The following CNIH3 variants were observed in gnomAD, a reference collection of about 807,000 sequenced individuals.
CNIH3 encodes protein cornichon homolog 3.
CNIH3 carries 14 observed loss-of-function variants against 24.1 expected under a neutral mutation model. The observed-to-expected ratio is 0.58, with a 90% CI of 0.38 to 0.91. CNIH3 has a LOEUF of 0.91. CNIH3 is among the 40% of genes least tolerant of loss of function. The pLI, the probability that CNIH3 is intolerant of heterozygous loss-of-function variation, is 0.00. For missense variants in CNIH3, 178 were observed against 196.8 expected (o/e 0.90, Z 0.57); for synonymous variants, 68 against 73.8 (o/e 0.92, Z 0.40).
At chr1:224,517,843 T>C (rs569678342) in intron 1 of CNIH3, among the ~76,000 whole-genome samples, 2 of 152,286 alleles carry the variant, frequency 1.3e-5, no homozygotes, top group African/African-American at 4.8e-5. Flanking sequence ...AAATCTTTGC[T>C]GAGGAGAAAC....
In CNIH3 at chr1:224,585,988, C is replaced by G. The variant is rs145276879; in HGVS notation, n.621-2373C>G. ...GGCTTTCTAGAGACACACATTTTCC[C>G]CTACATGGCAAGAGCCATGAATGAA... On this transcript the variant is annotated intron_variant and non_coding_transcript_variant, in intron 5 of 5. Coordinates refer to the CNIH3 transcript ENST00000471578. 2.0e-5 allele frequency among the ~76,000 whole-genome samples: 3 copies of G among 152,324 alleles called. No homozygotes were observed. The East Asian group carries it at 5.8e-4, about 29-fold the overall frequency.
intron 3 of CNIH3, among the ~76,000 whole-genome samples, chr1:224,710,081 T>C (rs35035419): frequency 0.061 from 9,311 of 152,296 alleles, 357 homozygotes; most frequent in East Asian, 0.15. Context: ...AAGTGTCTTA[T>C]TGTACTGTAC....
chr1:224,676,516 G>C (rs1280565593), intron 1 of CNIH3, among the ~76,000 whole-genome samples: 3 of 152,122 alleles, frequency 2.0e-5, no homozygotes, highest in African/African-American at 7.2e-5. Flanking sequence ...TTTTTAAAAC[G>C]GGTGAGATAT....
intron 3 of CNIH3, among the ~76,000 whole-genome samples, chr1:224,710,731 C>T (rs950671412): frequency 6.6e-6 from 1 of 152,158 alleles, no homozygotes; most frequent in Admixed American, 6.5e-5. Context: ...ATTTGAGATC[C>T]TCATGCCATT....
chr1:224,617,203 A>G lies in CNIH3; in HGVS notation c.29A>G (p.Tyr10Cys), dbSNP rs776061744. 1 of 1,614,152 alleles carries G rather than the reference A, an allele frequency of 6.2e-7. No homozygotes were observed. The highest frequency in any genetic ancestry group is 8.5e-7 in the Non-Finnish European group (1 of 1,180,014). The change falls in exon 1 of 6, where the codon TAC becomes TGC. Residue 10 changes from tyrosine (Y) to cysteine (C), a missense_variant. Coordinates refer to ENST00000272133, the MANE Select transcript of CNIH3 (RefSeq NM_152495.2). The stretch of plus-strand genomic sequence containing the variant: ...GCCTTCACTTTCGCTGCGTTCTGCT[A>G]CATGCTGTCTCTGGTGCTGTGCGCT... MAFTFAAFC[Y>C]MLSLVLCAAL...
chr1:224,672,624 C>A (rs192909322), intron 1 of CNIH3, among the ~76,000 whole-genome samples: 18 of 152,312 alleles, frequency 1.2e-4, no homozygotes, highest in Admixed American at 8.5e-4. Context: ...TCTGTCTTCA[C>A]ATGGCCTTCA....
At chr1:224,478,866 T>G (rs1182750280) in intron 1 of CNIH3, among the ~76,000 whole-genome samples, 1 of 152,160 alleles carries the variant, frequency 6.6e-6, no homozygotes, top group Non-Finnish European at 1.5e-5. Flanking sequence ...ACATCTTATG[T>G]GGATGGTGGC....
At chr1:224,475,954 C>A (rs1558092321) in intron 1 of CNIH3, among the ~76,000 whole-genome samples, 1 of 152,084 alleles carries the variant, frequency 6.6e-6, no homozygotes, top group Non-Finnish European at 1.5e-5. Context: ...GCAAATCAGT[C>A]AGTGTGATAC....
chr1:224,736,676 A>G (rs539102210), intron 5 of CNIH3, among the ~76,000 whole-genome samples: 6 of 151,786 alleles, frequency 4.0e-5, no homozygotes, highest in Non-Finnish European at 8.8e-5. Flanking sequence ...GTGTCCGCAG[A>G]CTCTGTGGGG....
chr1:224,468,033 A>G (rs1298632782), intron 1 of CNIH3, among the ~76,000 whole-genome samples: 3 of 151,260 alleles, frequency 2.0e-5, no homozygotes, highest in Admixed American at 2.0e-4. Flanking sequence ...TTCCTCTATT[A>G]TATTTCATTG....
chr1:224,487,012 A>G (rs1018161820), intron 1 of CNIH3, among the ~76,000 whole-genome samples: 3 of 152,206 alleles, frequency 2.0e-5, no homozygotes, highest in Non-Finnish European at 4.4e-5. Flanking sequence ...CAAACTCATA[A>G]ATGTCACATC....
intron 4 of CNIH3, among the ~76,000 whole-genome samples, chr1:224,576,469 T>A (rs2125008038): frequency 6.6e-6 from 1 of 152,352 alleles, no homozygotes; most frequent in East Asian, 1.9e-4. Flanking sequence ...CTAAATAACA[T>A]GCTTGTCTTG....
intron 1 of CNIH3, among the ~76,000 whole-genome samples, chr1:224,645,296 G>A (rs774473071): frequency 6.6e-6 from 1 of 152,126 alleles, no homozygotes; most frequent in African/African-American, 2.4e-5. Context: ...TTGGTGTCTG[G>A]CCATTACTTG....
chr1:224,604,778 C>T lies in CNIH3; in HGVS notation n.402+38514C>T, dbSNP rs541920202. Among the ~76,000 whole-genome samples the T allele has an allele frequency of 2.6e-5, 4 of 152,302 alleles. No individual in the cohort carries two copies. In the East Asian group the frequency reaches 5.8e-4, roughly 22 times the overall value. ...TTGGCCATGCTGACATGCCCCAGCT[C>T]GCCTGTGTTATAGCTTATACCCACA... On this transcript the variant is annotated intron_variant and non_coding_transcript_variant, in intron 3 of 7. Coordinates refer to the CNIH3 transcript ENST00000478120. This position sits in a 1 kb window ranked among gnomAD's most constrained non-coding sequence, Gnocchi z 4.4.
intron 1 of CNIH3, among the ~76,000 whole-genome samples, chr1:224,621,239 G>C (rs1044160511): frequency 1.3e-5 from 2 of 152,236 alleles, no homozygotes; most frequent in African/African-American, 4.8e-5. Flanking sequence ...GGACAGGGAT[G>C]ACATACATAT....
chr1:224,722,496 C>T lies in CNIH3; in HGVS notation c.199-7966C>T, dbSNP rs144772788. On this transcript the variant is annotated intron_variant, in intron 3 of 5. Transcript: ENST00000272133. ...TTTTGTTACACTGCAGGCTTTGATT[C>T]GGTAGGTCTGGGATGGGGCCAAAAT... is the stretch of plus-strand genomic sequence containing the variant. Among the ~76,000 whole-genome samples the T allele has an allele frequency of 2.8e-3, 431 of 152,202 alleles. 2 individuals carry two copies. Among genetic ancestry groups the T allele is most frequent in the African/African-American group, 0.01 (418 of 41,522 alleles).
At chr1:224,627,282 A>G (rs1466964583) in intron 1 of CNIH3, among the ~76,000 whole-genome samples, 1 of 151,934 alleles carries the variant, frequency 6.6e-6, no homozygotes, top group African/African-American at 2.4e-5. Flanking sequence ...GCTGGAGTGC[A>G]GTGATGTGAT....
rs1686550448 is a variant in CNIH3, at chr1:224,684,351, G to T, written c.151-445G>T. 6.6e-6 allele frequency among the ~76,000 whole-genome samples: 1 copy of T among 152,234 alleles called. No individual in the cohort carries two copies. The highest frequency in any genetic ancestry group is 1.5e-5 in the Non-Finnish European group (1 of 68,048). On this transcript the variant is annotated intron_variant, in intron 2 of 5. Transcript: ENST00000272133. This position sits in a 1 kb window ranked among gnomAD's most constrained non-coding sequence, Gnocchi z 4.2. ...AATAAAACCAGCAGGCAGAGAACTT[G>T]TCTACCTTAGATACTAATGAGGGCA...
At chr1:224,671,484 G>C (rs1429125889) in intron 1 of CNIH3, among the ~76,000 whole-genome samples, 1 of 152,210 alleles carries the variant, frequency 6.6e-6, no homozygotes, top group African/African-American at 2.4e-5. Context: ...ACAGAAGAGG[G>C]TGAGACTGCA....
Sources: allele counts gnomAD v4.1 joint callset (sites outside exome capture counted in the v4.1 genomes callset), GRCh38; gene constraint gnomAD v4.1.1; non-coding constraint Gnocchi (gnomAD v3.1); transcripts MANE v1.5; gene names NCBI Gene and HGNC (gene_info 2026-07-23, HGNC 2026-07-21).